Variants in LHPP observed in about 807,000 individuals in gnomAD.
The protein encoded by LHPP is hLHPP.
Under a neutral mutation model 30.3 loss-of-function variants are expected in LHPP, and 24 were observed. The ratio of observed to expected loss-of-function variants is 0.79; its 90% CI spans 0.57 to 1.11. The LOEUF (loss-of-function observed/expected upper bound fraction) is 1.11. LHPP is among the 50% of genes most tolerant of loss of function. The pLI, the probability that LHPP is intolerant of heterozygous loss-of-function variation, is 0.00. For synonymous variants in LHPP, 150 were observed against 157.1 expected, an observed-to-expected ratio of 0.95 and a Z score of 0.34; for missense variants, 356 against 367.2, an observed-to-expected ratio of 0.97 and a Z score of 0.25.
chr10:124,495,909 A>G (rs2133870272), intron 3 of LHPP, among the ~76,000 whole-genome samples: 1 of 152,310 alleles, frequency 6.6e-6, no homozygotes, highest in Middle Eastern at 3.4e-3. Flanking sequence ...CAGATTAGGA[A>G]ACTGAGGCCC....
chr10:124,608,698 AC>A (rs1398849525), intron 6 of LHPP, among the ~76,000 whole-genome samples: 1 of 152,054 alleles, frequency 6.6e-6, no homozygotes, highest in Non-Finnish European at 1.5e-5. Context: ...AGGGACCCCC[AC>A]CCCACCCACC....
chr10:124,526,338 C>T (rs2075138070), intron 6 of LHPP: 13 of 603,942 alleles, frequency 2.2e-5, no homozygotes, highest in Non-Finnish European at 2.5e-5. Flanking sequence ...CTGCAACAGC[C>T]CAGAGAAGCC....
intron 6 of LHPP, among the ~76,000 whole-genome samples, chr10:124,591,942 G>A (rs1948886727): frequency 1.3e-5 from 2 of 152,102 alleles, no homozygotes; most frequent in Non-Finnish European, 2.9e-5. Context: ...ACTTTGTTTA[G>A]GAACAATTTA....
intron 6 of LHPP, among the ~76,000 whole-genome samples, chr10:124,609,871 T>C (rs551860056): frequency 2.6e-5 from 4 of 152,340 alleles, no homozygotes; most frequent in Non-Finnish European, 5.9e-5. Flanking sequence ...AATTCTGCCG[T>C]GGTCTGTTTT....
intron 3 of LHPP, among the ~76,000 whole-genome samples, chr10:124,495,162 G>T (rs1465489939): frequency 6.6e-6 from 1 of 152,140 alleles, no homozygotes; most frequent in Admixed American, 6.5e-5. Context: ...GTTTTTGGGG[G>T]TCACTCTAAA....
intron 6 of LHPP, among the ~76,000 whole-genome samples, chr10:124,535,939 TC>T (rs34318628): frequency 6.6e-6 from 1 of 152,214 alleles, no homozygotes; most frequent in African/African-American, 2.4e-5. Flanking sequence ...CCCCTGGACC[TC>T]CCCTAATTCA....
intron 6 of LHPP, among the ~76,000 whole-genome samples, chr10:124,601,352 C>T (rs1034135788): frequency 5.3e-5 from 8 of 152,216 alleles, no homozygotes; most frequent in African/African-American, 1.7e-4. Flanking sequence ...AGCCAGGTTT[C>T]CAGCTCCTAG....
chr10:124,535,573 ATT>A (rs34086090), intron 6 of LHPP, among the ~76,000 whole-genome samples: 1 of 146,720 alleles, frequency 6.8e-6, no homozygotes, highest in African/African-American at 2.5e-5. Flanking sequence ...TTAAAAAAAC[ATT>A]TTTTTTTTTT....
rs952893863 is a variant in LHPP, at chr10:124,467,579, A to T, written c.125+5592A>T. 2.7e-4 allele frequency among the ~76,000 whole-genome samples: 41 copies of T among 149,954 alleles called. 1 individual carries two copies. Among genetic ancestry groups the T allele is most frequent in the Non-Finnish European group, 3.8e-4 (26 of 67,666 alleles). ...GTCTCCCAGGCTGGAGTGCAGTGAC[A>T]CAATCACGGCTCACTGCAGCCTTGA... On this transcript the variant is annotated intron_variant, in intron 1 of 6. Coordinates refer to ENST00000368842, the MANE Select transcript of LHPP (RefSeq NM_022126.4).
intron 6 of LHPP, among the ~76,000 whole-genome samples, chr10:124,606,275 C>CT (rs1472614111): frequency 6.4e-5 from 3 of 46,896 alleles, no homozygotes; most frequent in Non-Finnish European, 1.1e-4. Context: ...CCACACCATT[C>CT]TCGGGGGGAC....
intron 6 of LHPP, among the ~76,000 whole-genome samples, chr10:124,605,947 G>A (rs2134016538): frequency 6.6e-6 from 1 of 152,130 alleles, no homozygotes; most frequent in South Asian, 2.1e-4. Flanking sequence ...CCAGCCTCCT[G>A]GTCCTGCAGC....
At chr10:124,470,789 G>T (rs190649591) in intron 1 of LHPP, among the ~76,000 whole-genome samples, 1 of 152,258 alleles carries the variant, frequency 6.6e-6, no homozygotes, top group African/African-American at 2.4e-5. Context: ...GCAGGACATT[G>T]TAGGGAGAGG....
chr10:124,551,701 G>C (rs1299306652), intron 6 of LHPP, among the ~76,000 whole-genome samples: 1 of 152,026 alleles, frequency 6.6e-6, no homozygotes, highest in East Asian at 1.9e-4. Flanking sequence ...CCTGAGACCC[G>C]CGGGCTTGGC....
At chr10:124,597,689 G>T (rs1948965478) in intron 6 of LHPP, among the ~76,000 whole-genome samples, 2 of 152,150 alleles carry the variant, frequency 1.3e-5, no homozygotes, top group Admixed American at 1.3e-4. Flanking sequence ...GAGGAGGTGG[G>T]GTGGCACTTC....
chr10:124,481,409 C>G (rs1385322809), intron 1 of LHPP, among the ~76,000 whole-genome samples: 1 of 132,260 alleles, frequency 7.6e-6, no homozygotes, highest in Non-Finnish European at 1.6e-5. Flanking sequence ...CAGAGTCTCA[C>G]TGTGTGACCC....
intron 6 of LHPP, among the ~76,000 whole-genome samples, chr10:124,602,437 G>A (rs11817413): frequency 0.17 from 26,371 of 152,248 alleles, 2,545 homozygotes; most frequent in African/African-American, 0.25. Context: ...CCTGCATCCC[G>A]GGGCCTGCCC....
chr10:124,471,727 A>T (rs61861926), intron 1 of LHPP, among the ~76,000 whole-genome samples: 1 of 30,684 alleles, frequency 3.3e-5, no homozygotes, highest in Non-Finnish European at 4.9e-5. Context: ...ATATTTATGT[A>T]TATATATATT....
chr10:124,553,184 C>G (rs1232712900), intron 6 of LHPP, among the ~76,000 whole-genome samples: 2 of 151,796 alleles, frequency 1.3e-5, no homozygotes, highest in African/African-American at 4.8e-5. Flanking sequence ...AAGCCAGGTC[C>G]CTGTGACTTG....
intron 6 of LHPP, among the ~76,000 whole-genome samples, chr10:124,552,470 C>T (rs1025888203): frequency 2.0e-5 from 3 of 152,182 alleles, no homozygotes; most frequent in Non-Finnish European, 4.4e-5. Context: ...GCACCTGCCC[C>T]TCCCCCAGAC....
Sources: gnomAD v4.1 joint callset for allele counts (sites outside exome capture counted in the v4.1 genomes callset) on GRCh38, gnomAD v4.1.1 for gene constraint, MANE v1.5 for transcripts, NCBI Gene and HGNC (gene_info 2026-07-23, HGNC 2026-07-21) for gene names.